The following MAGI1 variants were observed in gnomAD, a reference collection of about 807,000 sequenced individuals.
MAGI1 encodes the protein membrane-associated guanylate kinase, WW and PDZ domain-containing protein 1.
Under a neutral mutation model 139.9 loss-of-function variants are expected in MAGI1, and 58 were observed. The observed-to-expected ratio is 0.41, with a 90% CI of 0.34 to 0.52. The LOEUF (loss-of-function observed/expected upper bound fraction) is 0.52. MAGI1 is among the 20% of genes least tolerant of loss of function. MAGI1 has a pLI of 0.12. For synonymous variants in MAGI1, 812 were observed against 737.9 expected, an observed-to-expected ratio of 1.10 and a Z score of -1.63; for missense variants, 1,874 against 1,901.6, an observed-to-expected ratio of 0.99 and a Z score of 0.27.
intron 1 of MAGI1, among the ~76,000 whole-genome samples, chr3:65,947,830 C>A (rs1423874108): frequency 6.6e-6 from 1 of 151,998 alleles, no homozygotes; most frequent in Non-Finnish European, 1.5e-5. Context: ...GTTACCCAGG[C>A]TGGTCCCAAA....
intron 1 of MAGI1, among the ~76,000 whole-genome samples, chr3:65,817,051 T>C (rs918484770): frequency 6.6e-6 from 1 of 152,204 alleles, no homozygotes; most frequent in South Asian, 2.1e-4. Flanking sequence ...TTGCAATTCA[T>C]AAAAATTACC....
intron 2 of MAGI1, among the ~76,000 whole-genome samples, chr3:65,569,961 G>A (rs1388766587): frequency 6.6e-6 from 1 of 151,600 alleles, no homozygotes; most frequent in Non-Finnish European, 1.5e-5. Flanking sequence ...ATACTTAGAT[G>A]GGACAAGGCA....
chr3:65,574,853 G>A (rs1029504551), intron 2 of MAGI1, among the ~76,000 whole-genome samples: 1 of 151,970 alleles, frequency 6.6e-6, no homozygotes, highest in Non-Finnish European at 1.5e-5. Context: ...ACAATTAAGT[G>A]GAGAAAGGAA....
At chr3:65,742,435 C>T (rs2035351484) in intron 1 of MAGI1, among the ~76,000 whole-genome samples, 1 of 152,174 alleles carries the variant, frequency 6.6e-6, no homozygotes, top group African/African-American at 2.4e-5. Context: ...CAGAGCCAGA[C>T]ACATCAGAAT....
intron 12 of MAGI1, among the ~76,000 whole-genome samples, 164 bp downstream of exon 12, chr3:65,429,356 C>T (rs932025354): frequency 2.0e-4 from 31 of 152,004 alleles, no homozygotes; most frequent in Non-Finnish European, 1.8e-4. Flanking sequence ...AATGTATAAA[C>T]CACAATTTTT....
chr3:65,406,951 T>C (rs1945387327), intron 12 of MAGI1, among the ~76,000 whole-genome samples: 1 of 152,278 alleles, frequency 6.6e-6, no homozygotes, highest in East Asian at 1.9e-4. Flanking sequence ...ATAAAAGTAC[T>C]TCTGAGCACA....
intron 2 of MAGI1, among the ~76,000 whole-genome samples, chr3:65,495,702 T>TA (rs1952381874): frequency 6.6e-6 from 1 of 152,118 alleles, no homozygotes; most frequent in African/African-American, 2.4e-5. Flanking sequence ...CAACATAGGT[T>TA]AAAGGTTTAG....
intron 2 of MAGI1, among the ~76,000 whole-genome samples, chr3:65,506,792 C>G (rs2077305860): frequency 6.6e-6 from 1 of 151,874 alleles, no homozygotes; most frequent in African/African-American, 2.4e-5. Context: ...ATTTATTGAG[C>G]AAATATTATA....
At chr3:66,018,016 C>T (rs1196320409) in intron 1 of MAGI1, among the ~76,000 whole-genome samples, 4 of 149,038 alleles carry the variant, frequency 2.7e-5, no homozygotes, top group Non-Finnish European at 4.4e-5. Context: ...TTTATTTTTC[C>T]TCCTTTGATC....
At chr3:65,585,797 T>TA (rs1383391556) in intron 2 of MAGI1, among the ~76,000 whole-genome samples, 2 of 152,350 alleles carry the variant, frequency 1.3e-5, no homozygotes, top group East Asian at 3.9e-4. Context: ...TTATTCTTAA[T>TA]TCCCAAAAAT....
chr3:65,519,359 CACACACACACACACACACACACACACAT>C (rs1311393867), intron 2 of MAGI1, among the ~76,000 whole-genome samples: 1 of 58,630 alleles, frequency 1.7e-5, no homozygotes, highest in African/African-American at 6.1e-5. Context: ...CACACACACA[CACACACACACACACACACACACACACAT>C]ATATATAATT....
chr3:65,980,876 C>T (rs1358892819), intron 1 of MAGI1, among the ~76,000 whole-genome samples: 1 of 151,938 alleles, frequency 6.6e-6, no homozygotes, highest in Non-Finnish European at 1.5e-5. Flanking sequence ...TTTAATTTCC[C>T]GGCCAGGTGC....
At chr3:65,456,435 T>C (rs750435876) in intron 5 of MAGI1, among the ~76,000 whole-genome samples, 2 of 152,064 alleles carry the variant, frequency 1.3e-5, no homozygotes, top group African/African-American at 2.4e-5. Flanking sequence ...TACATACCAG[T>C]CCTTTTTTAG....
chr3:65,432,641 A>G (rs1947548113), intron 10 of MAGI1, among the ~76,000 whole-genome samples: 2 of 152,184 alleles, frequency 1.3e-5, no homozygotes, highest in African/African-American at 4.8e-5. Context: ...AGGATTCGCC[A>G]CGCAAAGTCA....
At chr3:65,994,212 T>G (rs1184055552) in intron 1 of MAGI1, among the ~76,000 whole-genome samples, 2 of 138,730 alleles carry the variant, frequency 1.4e-5, no homozygotes, top group Non-Finnish European at 3.0e-5. Flanking sequence ...AAGCAGAGGT[T>G]GCAATGAGCC....
intron 1 of MAGI1, among the ~76,000 whole-genome samples, chr3:65,961,120 A>T (rs1318898652): frequency 6.6e-6 from 1 of 152,228 alleles, no homozygotes; most frequent in Admixed American, 6.5e-5. Context: ...TCTAGGGATA[A>T]GAGGGGAAGG....
intron 2 of MAGI1, among the ~76,000 whole-genome samples, chr3:65,536,907 T>C (rs1227264358): frequency 6.6e-6 from 1 of 152,168 alleles, no homozygotes; most frequent in African/African-American, 2.4e-5. Context: ...ATTGCTAACA[T>C]GGTTTGGGTA....
chr3:65,400,489 C>T lies in MAGI1; in HGVS notation c.2199+950G>A, dbSNP rs181970968. ...CACGAGGCTGTACATTTTCCCTCCC[C>T]CAAATCTTCTAAACCACATGGAAAC... On this transcript the variant is annotated intron_variant, in intron 13 of 22. Transcript: ENST00000402939. Among the ~76,000 whole-genome samples the T allele has an allele frequency of 2.0e-5, 3 of 152,222 alleles. No homozygotes were observed. The South Asian group carries it at 6.2e-4, about 32-fold the overall frequency.
chr3:65,522,976 G>A (rs1041492740), intron 2 of MAGI1, among the ~76,000 whole-genome samples: 2 of 152,066 alleles, frequency 1.3e-5, no homozygotes, highest in African/African-American at 4.8e-5. Flanking sequence ...AAAAGGTTGG[G>A]CTTAGTATCA....
Sources: allele counts gnomAD v4.1 joint callset (sites outside exome capture counted in the v4.1 genomes callset), GRCh38; gene constraint gnomAD v4.1.1; transcripts MANE v1.5; gene names NCBI Gene and HGNC (gene_info 2026-07-23, HGNC 2026-07-21).